The following AMN1 variants were observed in gnomAD, a reference collection of about 807,000 sequenced individuals.
The protein encoded by AMN1 is protein AMN1 homolog.
AMN1 carries 20 observed loss-of-function variants against 33.0 expected under a neutral mutation model. The observed-to-expected ratio is 0.61, with a 90% CI of 0.43 to 0.88. The LOEUF is 0.88. Ranked by LOEUF, AMN1 falls within the 40% of genes least tolerant of loss-of-function variation. The pLI is 0.00. For missense variants in AMN1, 246 were observed against 307.4 expected, an observed-to-expected ratio of 0.80 and a Z score of 1.49; for synonymous variants, 114 against 111.9, an observed-to-expected ratio of 1.02 and a Z score of -0.12.
At chr12:31,712,956 T>C (rs1939526410) in intron 1 of AMN1, among the ~76,000 whole-genome samples, 1 of 152,210 alleles carries the variant, frequency 6.6e-6, no homozygotes, top group South Asian at 2.1e-4. Context: ...GCTCGGCCCA[T>C]ATTTTGGTTA....
intron 6 of AMN1, among the ~76,000 whole-genome samples, chr12:31,677,009 ACT>A (rs980051639): frequency 6.6e-6 from 1 of 151,108 alleles, no homozygotes; most frequent in African/African-American, 2.4e-5. Flanking sequence ...AGAAACACAT[ACT>A]CTCTTGGCCG....
intron 6 of AMN1, among the ~76,000 whole-genome samples, chr12:31,680,096 C>CT (rs113504550): frequency 2.8e-5 from 4 of 144,838 alleles, no homozygotes; most frequent in East Asian, 2.1e-4. Context: ...ACACTCCAGG[C>CT]GGCAACAAAG....
At chr12:31,724,081 G>A (rs1939973494) in intron 1 of AMN1, among the ~76,000 whole-genome samples, 1 of 152,036 alleles carries the variant, frequency 6.6e-6, no homozygotes, top group African/African-American at 2.4e-5. Flanking sequence ...GACTCCCTGT[G>A]GACACCTGAA....
At chr12:31,717,879 A>AC (rs1430418255) in intron 1 of AMN1, among the ~76,000 whole-genome samples, 5 of 150,320 alleles carry the variant, frequency 3.3e-5, no homozygotes, top group South Asian at 2.1e-4. Flanking sequence ...CTTGTCCCCA[A>AC]CCCCCCGACA....
intron 2 of AMN1, among the ~76,000 whole-genome samples, chr12:31,704,925 A>G (rs1216239639): frequency 2.6e-5 from 4 of 152,178 alleles, no homozygotes; most frequent in Non-Finnish European, 4.4e-5. Context: ...TGGAAAAGTG[A>G]AGAAAACCAC....
chr12:31,691,106 C>A (rs2139675998), intron 5 of AMN1, among the ~76,000 whole-genome samples: 1 of 148,598 alleles, frequency 6.7e-6, no homozygotes, highest in Non-Finnish European at 1.5e-5. Flanking sequence ...CCACTGCACT[C>A]CAGCCTGGGT....
intron 1 of AMN1, among the ~76,000 whole-genome samples, chr12:31,721,990 T>A (rs1236498273): frequency 6.6e-6 from 1 of 152,180 alleles, no homozygotes; most frequent in Non-Finnish European, 1.5e-5. Flanking sequence ...GAGTAAAGAT[T>A]ACATGTATCT....
intron 3 of AMN1, among the ~76,000 whole-genome samples, chr12:31,700,966 G>C (rs1592163131): frequency 6.6e-6 from 1 of 151,852 alleles, no homozygotes; most frequent in Non-Finnish European, 1.5e-5. Context: ...TGGGATTACA[G>C]GCGTGAGCCA....
At chr12:31,672,610 G>C (rs936871146) in intron 6 of AMN1, 6 of 359,640 alleles carry the variant, frequency 1.7e-5, no homozygotes, top group Non-Finnish European at 3.0e-5. Context: ...AAAAAAAACA[G>C]GCATTTGTTG....
intron 6 of AMN1, among the ~76,000 whole-genome samples, chr12:31,679,050 T>C (rs1937876551): frequency 6.6e-6 from 1 of 152,164 alleles, no homozygotes; most frequent in Non-Finnish European, 1.5e-5. Context: ...AGCTCACGCC[T>C]GTAATCCCAG....
At chr12:31,698,858 G>A (rs947117500) in intron 3 of AMN1, among the ~76,000 whole-genome samples, 2 of 151,980 alleles carry the variant, frequency 1.3e-5, no homozygotes, top group Admixed American at 1.3e-4. Flanking sequence ...GCTCCGAAAA[G>A]CCTTATAATT....
intron 1 of AMN1, among the ~76,000 whole-genome samples, chr12:31,727,466 C>T (rs1940119876): frequency 6.6e-6 from 1 of 152,192 alleles, no homozygotes; most frequent in African/African-American, 2.4e-5. Context: ...TGTCTCACTA[C>T]TGTGCTATTC....
intron 6 of AMN1, among the ~76,000 whole-genome samples, chr12:31,688,345 T>C (rs1938357403): frequency 6.6e-6 from 1 of 152,236 alleles, no homozygotes; most frequent in Admixed American, 6.5e-5. Context: ...AATTTTCTTA[T>C]TGTTTACATA....
chr12:31,720,367 C>T lies in AMN1; in HGVS notation c.38+8604G>A, dbSNP rs1939836296. 3.3e-5 allele frequency among the ~76,000 whole-genome samples: 5 copies of T among 152,084 alleles called. 1 individual carries two copies. In the South Asian group the frequency reaches 1.0e-3, roughly 31 times the overall value. On this transcript the variant is annotated intron_variant, in intron 1 of 6. Transcript: ENST00000281471. ...ACCAGCCTGACCAACATGGTATAAC[C>T]CCATCTCTACCAAAAATACAAAATT...
intron 6 of AMN1, among the ~76,000 whole-genome samples, chr12:31,674,676 T>C (rs117356017): frequency 1.5e-3 from 225 of 152,220 alleles, no homozygotes; most frequent in Non-Finnish European, 2.0e-3. Flanking sequence ...ACCTACACCA[T>C]TCTAATAGAA....
chr12:31,674,937 G>A (rs578091031), intron 6 of AMN1, among the ~76,000 whole-genome samples: 71 of 151,694 alleles, frequency 4.7e-4, no homozygotes, highest in Admixed American at 1.5e-3. Context: ...CAGGGGAATC[G>A]CTTGAATCCA....
intron 2 of AMN1, among the ~76,000 whole-genome samples, chr12:31,705,848 C>T (rs1402639615): frequency 3.3e-5 from 5 of 152,132 alleles, no homozygotes; most frequent in Non-Finnish European, 7.3e-5. Context: ...TCAAACACCT[C>T]GGCTGACAGA....
At chr12:31,698,554 G>C (rs1247527794) in intron 3 of AMN1, among the ~76,000 whole-genome samples, 1 of 152,178 alleles carries the variant, frequency 6.6e-6, no homozygotes, top group Non-Finnish European at 1.5e-5. Flanking sequence ...CAGTTAAGCT[G>C]ATATAAGTGC....
At chr12:31,691,944 C>G (rs1938516966) in intron 5 of AMN1, among the ~76,000 whole-genome samples, 1 of 152,042 alleles carries the variant, frequency 6.6e-6, no homozygotes, top group Non-Finnish European at 1.5e-5. Context: ...ATGGAGCAGT[C>G]TTGGCTCATT....
Sources: gnomAD v4.1 joint callset for allele counts (sites outside exome capture counted in the v4.1 genomes callset) on GRCh38, gnomAD v4.1.1 for gene constraint, MANE v1.5 for transcripts, NCBI Gene and HGNC (gene_info 2026-07-23, HGNC 2026-07-21) for gene names.